Variants in RUNX1 observed in about 807,000 individuals in gnomAD.
The protein encoded by RUNX1 is RUNX family transcription factor 1, also known as runt-related transcription factor 1.
Under a neutral mutation model 42.8 loss-of-function variants are expected in RUNX1, and 19 were observed. The observed-to-expected ratio is 0.44, with a 90% CI of 0.31 to 0.65. The LOEUF (loss-of-function observed/expected upper bound fraction) is 0.65, where lower values mean the gene tolerates loss of function less well. RUNX1 is among the 30% of genes least tolerant of loss of function. The probability of loss-of-function intolerance (pLI) is 0.07; values close to 1 mark genes in which losing one functional copy is unlikely to be tolerated. For synonymous variants in RUNX1, 271 were observed against 289.4 expected, an observed-to-expected ratio of 0.94 and a Z score of 0.64; for missense variants, 528 against 672.0, an observed-to-expected ratio of 0.79 and a Z score of 2.37.
chr21:34,968,173 G>A (rs1010140388), intron 2 of RUNX1, among the ~76,000 whole-genome samples: 3 of 152,186 alleles, frequency 2.0e-5, no homozygotes, highest in Non-Finnish European at 2.9e-5. Flanking sequence ...CTGAGTGGGC[G>A]AGTTGCTTCT....
At chr21:35,045,695 T>C (rs1040533455) in intron 2 of RUNX1, among the ~76,000 whole-genome samples, 5 of 152,166 alleles carry the variant, frequency 3.3e-5, no homozygotes. Context: ...AAGCCTGAAG[T>C]CTTAAGATCT....
intron 5 of RUNX1, among the ~76,000 whole-genome samples, chr21:34,876,297 C>G (rs1259841807): frequency 2.6e-5 from 4 of 152,340 alleles, no homozygotes; most frequent in Admixed American, 2.6e-4. Flanking sequence ...ATTAGACAAA[C>G]CAGACCCCGG....
At chr21:34,975,153 G>A (rs2058791645) in intron 2 of RUNX1, among the ~76,000 whole-genome samples, 2 of 152,232 alleles carry the variant, frequency 1.3e-5, no homozygotes, top group South Asian at 4.1e-4. Flanking sequence ...GTAAGTGGTG[G>A]AGGAAAAGAC....
In RUNX1 at chr21:34,792,103, C is replaced by A. The variant is rs942796503; in HGVS notation, c.*32G>T. 1.5e-6 allele frequency: 2 copies of A among 1,313,430 alleles called. No homozygotes were observed. Among genetic ancestry groups the A allele is most frequent in the Non-Finnish European group, 1.9e-6 (2 of 1,029,504 alleles). 81.4% of individuals were successfully genotyped at this position (1,313,430 alleles called of 1,614,324 possible). A position where few individuals can be genotyped will look rare whatever the true frequency, so the allele number is the denominator to read the frequency against. The stretch of plus-strand genomic sequence containing the variant: ...CGCGCCCGGAGGCGAAGGCGGCGGC[C>A]CGCGGGGCCCAGCCGGGCCAGGCCT... On this transcript the variant is annotated 3_prime_UTR_variant, in exon 9 of 9. Transcript: ENST00000675419. The surrounding 1 kb of genome is among the most constrained non-coding windows in gnomAD (Gnocchi z 6.9).
chr21:34,893,770 GT>G (rs67786578), intron 2 of RUNX1, among the ~76,000 whole-genome samples: 22,763 of 137,502 alleles, frequency 0.17, 1,796 homozygotes, highest in Non-Finnish European at 0.18. Flanking sequence ...TTAGTATGCT[GT>G]TTTTTTTTTT....
chr21:35,031,587 T>C (rs932166153), intron 2 of RUNX1, among the ~76,000 whole-genome samples: 5 of 152,126 alleles, frequency 3.3e-5, no homozygotes, highest in African/African-American at 9.7e-5. Context: ...AGTGGTACTA[T>C]TCATAATAAC....
chr21:34,891,638 C>T (rs1482860217), intron 3 of RUNX1, among the ~76,000 whole-genome samples: 1 of 151,402 alleles, frequency 6.6e-6, no homozygotes, highest in Non-Finnish European at 1.5e-5. Context: ...GGAAAGGAAA[C>T]ATTACCAGGT....
At chr21:34,859,660 G>T in intron 5 of RUNX1, 82 bp from the exon 6 acceptor site, 1 of 1,153,234 alleles carries the variant, frequency 8.7e-7, no homozygotes, top group Non-Finnish European at 1.3e-6. Flanking sequence ...ATTAATTTAT[G>T]CTGTCCAGCC....
chr21:34,859,465 T>C lies in RUNX1; in HGVS notation c.613+9A>G. ...GGAGGGTGTACCAGCCCCAAGTGGA[T>C]GCACTTACTTCGAGGTTCTCGGGGC... is the stretch of plus-strand genomic sequence containing the variant. On this transcript the variant is annotated intron_variant, in intron 6 of 8. Coordinates refer to ENST00000675419, the MANE Select transcript of RUNX1 (RefSeq NM_001754.5). The C allele has an allele frequency of 6.3e-7, 1 of 1,592,460 alleles. No individual in the cohort carries two copies. The highest frequency in any genetic ancestry group is 8.6e-7 in the Non-Finnish European group (1 of 1,160,302).
intron 2 of RUNX1, among the ~76,000 whole-genome samples, chr21:34,948,171 T>A (rs9981562): frequency 0.17 from 25,324 of 151,824 alleles, 4,447 homozygotes; most frequent in African/African-American, 0.45. Flanking sequence ...AAATATTTTT[T>A]AAAAAATCAT....
intron 5 of RUNX1, among the ~76,000 whole-genome samples, chr21:34,878,199 A>C (rs918337478): frequency 4.0e-5 from 6 of 151,266 alleles, no homozygotes; most frequent in African/African-American, 1.5e-4. Flanking sequence ...AAGAAGGAAA[A>C]AGAAAGAAAA....
intron 2 of RUNX1, among the ~76,000 whole-genome samples, chr21:35,044,247 TC>T (rs989735701): frequency 3.3e-5 from 5 of 152,154 alleles, no homozygotes; most frequent in African/African-American, 1.2e-4. Context: ...CACTCTTCCT[TC>T]TTTCCTTTGT....
chr21:34,926,474 A>G, intron 2 of RUNX1, among the ~76,000 whole-genome samples: 1 of 143,418 alleles, frequency 7.0e-6, no homozygotes, highest in African/African-American at 2.5e-5. Context: ...AAAAAAAAAA[A>G]AAAAAAAAAA....
At chr21:34,815,213 G>A (rs2056809068) in intron 7 of RUNX1, among the ~76,000 whole-genome samples, 1 of 145,912 alleles carries the variant, frequency 6.9e-6, no homozygotes, top group Non-Finnish European at 1.5e-5. Flanking sequence ...GACAAGGAGA[G>A]TGACCATGGT....
chr21:35,036,521 T>C (rs2059309785), intron 2 of RUNX1, among the ~76,000 whole-genome samples: 1 of 152,138 alleles, frequency 6.6e-6, no homozygotes, highest in Admixed American at 6.5e-5. Context: ...AAGTAGTCTG[T>C]TGTAGAATAA....
At chr21:34,816,702 G>C (rs1237735480) in intron 7 of RUNX1, among the ~76,000 whole-genome samples, 2 of 152,130 alleles carry the variant, frequency 1.3e-5, no homozygotes, top group Admixed American at 1.3e-4. Flanking sequence ...GTGGGGAGGA[G>C]AGGAAGGAAC....
At chr21:34,947,317 C>T (rs1259954137) in intron 2 of RUNX1, among the ~76,000 whole-genome samples, 2 of 152,062 alleles carry the variant, frequency 1.3e-5, no homozygotes, top group Non-Finnish European at 2.9e-5. Flanking sequence ...TGTAATGAAA[C>T]ACGTGTGCCA....
At chr21:34,852,059 T>C (rs1222467408) in intron 6 of RUNX1, among the ~76,000 whole-genome samples, 1 of 152,080 alleles carries the variant, frequency 6.6e-6, no homozygotes, top group Non-Finnish European at 1.5e-5. Context: ...TCCCAGCTAC[T>C]CGGGAGGCTG....
Position 34,826,434 on chromosome 21 carries a change from CT to C in RUNX1, c.805+7975del, listed in dbSNP as rs772880673. Among the ~76,000 whole-genome samples the C allele has an allele frequency of 2.4e-3, 257 of 105,348 alleles. 1 individual carries two copies. The highest frequency in any genetic ancestry group is 0.021 in the Middle Eastern group (3 of 140). The allele number at this position is 105,348 out of a possible 152,430, so 69.1% of individuals were successfully genotyped here. On this transcript the variant is annotated intron_variant, in intron 7 of 8. Transcript: ENST00000675419. The stretch of plus-strand genomic sequence containing the variant: ...TAAATTTCTTTTGTTTTCTTTCTTT[CT>C]TTTTTTTTTTTTTTTTTTTTGAGAC...
Sources: gnomAD v4.1 joint callset for allele counts (sites outside exome capture counted in the v4.1 genomes callset) on GRCh38, gnomAD v4.1.1 for gene constraint, Gnocchi (gnomAD v3.1) non-coding constraint, MANE v1.5 for transcripts, NCBI Gene and HGNC (gene_info 2026-07-23, HGNC 2026-07-21) for gene names.